The following UBE2R2 variants were observed in gnomAD, a reference collection of about 807,000 sequenced individuals.
UBE2R2 encodes the protein ubiquitin conjugating enzyme E2 R2, also known as ubiquitin-conjugating enzyme E2 R2.
A neutral mutation model predicts 27.8 loss-of-function variants in UBE2R2; 1 was observed. That is an observed-to-expected ratio of 0.04 (90% CI 0.01 to 0.17). UBE2R2 has a LOEUF of 0.17. UBE2R2 is among the 10% of genes least tolerant of loss of function. The pLI, the probability that UBE2R2 is intolerant of heterozygous loss-of-function variation, is 1.00. For synonymous variants in UBE2R2, 106 were observed against 113.3 expected, an observed-to-expected ratio of 0.94 and a Z score of 0.41; for missense variants, 100 against 291.0, an observed-to-expected ratio of 0.34 and a Z score of 4.78.
intron 1 of UBE2R2, among the ~76,000 whole-genome samples, chr9:33,857,666 TG>T (rs1821140002): frequency 2.6e-5 from 4 of 152,214 alleles, no homozygotes; most frequent in Non-Finnish European, 4.4e-5. Flanking sequence ...AAACTATACT[TG>T]AAAGTCATAT....
At chr9:33,831,210 G>A (rs1486707211) in intron 1 of UBE2R2, 2 of 152,092 alleles carry the variant, frequency 1.3e-5, no homozygotes, top group Non-Finnish European at 1.5e-5. Flanking sequence ...GGGAGGTTGA[G>A]GCTGGTGGAT....
chr9:33,856,888 CTTTTTTTTTTTT>C (rs140169417), intron 1 of UBE2R2, among the ~76,000 whole-genome samples: 1 of 82,324 alleles, frequency 1.2e-5, no homozygotes, highest in Admixed American at 1.6e-4. Flanking sequence ...CTTCCTTTCA[CTTTTTTTTTTTT>C]TTTTTTTTTT....
Position 33,906,110 on chromosome 9 carries a change from T to C in UBE2R2, c.362+5839T>C, listed in dbSNP as rs201500528. On this transcript the variant is annotated intron_variant, in intron 3 of 4. Transcript: ENST00000263228. The stretch of plus-strand genomic sequence containing the variant: ...GTTGTTGTTGTCGTCGTCGTCGTTG[T>C]TGCTGTTGTTGTTGTTGTTGTTGTT... Among the ~76,000 whole-genome samples the C allele has an allele frequency of 1.5e-3, 214 of 139,038 alleles. 1 individual carries two copies. The highest frequency in any genetic ancestry group is 0.011 in the South Asian group (50 of 4,414). The allele number at this position is 139,038 out of a possible 152,430, so 91.2% of individuals were successfully genotyped here. A position where few individuals can be genotyped will look rare whatever the true frequency, so the allele number is the denominator to read the frequency against.
chr9:33,863,088 T>C (rs1360256664), intron 1 of UBE2R2, among the ~76,000 whole-genome samples: 2 of 150,336 alleles, frequency 1.3e-5, no homozygotes, highest in Admixed American at 6.7e-5. Context: ...CTCAGGAGGC[T>C]GAGGCAGGAG....
rs543097497 is a variant in UBE2R2, at chr9:33,908,068, G to T, written c.363-3896G>T. Among the ~76,000 whole-genome samples the T allele has an allele frequency of 9.2e-5, 14 of 152,228 alleles. No homozygotes were observed. The South Asian group carries it at 2.9e-3, about 32-fold the overall frequency. On this transcript the variant is annotated intron_variant, in intron 3 of 4. Transcript: ENST00000263228. ...TTGAACTCCCGACCTCAGGTGATCC[G>T]CCTGCCTCGGCCTCCCAAAGTACTG...
intron 1 of UBE2R2, among the ~76,000 whole-genome samples, chr9:33,866,944 A>C (rs541850324): frequency 2.6e-5 from 4 of 152,238 alleles, no homozygotes; most frequent in African/African-American, 9.6e-5. Flanking sequence ...TTTTCGATGA[A>C]ACAGAAGTTC....
intron 1 of UBE2R2, among the ~76,000 whole-genome samples, chr9:33,818,989 GTGTT>G (rs1045349276): frequency 6.6e-6 from 1 of 152,082 alleles, no homozygotes; most frequent in Non-Finnish European, 1.5e-5. Flanking sequence ...GAGATAATGA[GTGTT>G]TGTTTTGTTT....
At chr9:33,815,696 A>T (rs1825738752), upstream of UBE2R2, among the ~76,000 whole-genome samples, 1 of 152,196 alleles carries the variant, frequency 6.6e-6, no homozygotes, top group South Asian at 2.1e-4. Flanking sequence ...GTGAGCTATA[A>T]TCACTCTACT....
intron 1 of UBE2R2, among the ~76,000 whole-genome samples, chr9:33,822,728 TA>T (rs1424438514): frequency 6.7e-6 from 1 of 149,426 alleles, no homozygotes; most frequent in Non-Finnish European, 1.5e-5. Context: ...CCCAGCCAAA[TA>T]ATTTTTTTTT....
chr9:33,878,077 C>G (rs12352121), intron 1 of UBE2R2, among the ~76,000 whole-genome samples: 6 of 152,044 alleles, frequency 3.9e-5, no homozygotes, highest in Middle Eastern at 3.2e-3. Context: ...ATTTTTATAT[C>G]TTTTATTTGT....
intron 1 of UBE2R2, among the ~76,000 whole-genome samples, chr9:33,831,849 TG>T (rs1228252012): frequency 6.6e-6 from 1 of 151,688 alleles, no homozygotes; most frequent in Non-Finnish European, 1.5e-5. Context: ...TTAGTAGAGA[TG>T]GGGTTTTTCC....
rs73492939 is a variant in UBE2R2, at chr9:33,908,604, A to T, written c.363-3360A>T. Among the ~76,000 whole-genome samples, 532 of 152,336 alleles carry T rather than the reference A, an allele frequency of 3.5e-3. 6 individuals are homozygous for T. The highest frequency in any genetic ancestry group is 0.012 in the African/African-American group (500 of 41,576). On this transcript the variant is annotated intron_variant, in intron 3 of 4. Coordinates refer to ENST00000263228, the MANE Select transcript of UBE2R2 (RefSeq NM_017811.4). The stretch of plus-strand genomic sequence containing the variant: ...GCCTCTTAAAACATCCTGGATTTTT[A>T]ACTTAGGAGGACATGGAATTAGAAT...
chr9:33,886,243 ATTATT>A (rs1821849294), intron 1 of UBE2R2, among the ~76,000 whole-genome samples: 1 of 152,210 alleles, frequency 6.6e-6, no homozygotes, highest in Non-Finnish European at 1.5e-5. Flanking sequence ...CTAAAATTAG[ATTATT>A]TTGTTATAAA....
At chr9:33,846,477 AAAGTATGACATTTC>A (rs1820849459) in intron 1 of UBE2R2, among the ~76,000 whole-genome samples, 1 of 152,108 alleles carries the variant, frequency 6.6e-6, no homozygotes, top group African/African-American at 2.4e-5. Context: ...CTTGCGCCTA[AAAGTATGACATTTC>A]AAGTCCACTT....
chr9:33,893,115 CATTT>C (rs981325285), intron 2 of UBE2R2, among the ~76,000 whole-genome samples: 1 of 152,102 alleles, frequency 6.6e-6, no homozygotes, highest in African/African-American at 2.4e-5. Flanking sequence ...AATTCAATAA[CATTT>C]AGTATGTTCA....
At chr9:33,816,455 T>G (rs1825759409), upstream of UBE2R2, among the ~76,000 whole-genome samples, 1 of 152,152 alleles carries the variant, frequency 6.6e-6, no homozygotes, top group African/African-American at 2.4e-5. Context: ...TTGCCCCAAA[T>G]CACAATGAGA....
chr9:33,841,423 A>G (rs1172773048), intron 1 of UBE2R2, among the ~76,000 whole-genome samples: 2 of 152,002 alleles, frequency 1.3e-5, no homozygotes, highest in Non-Finnish European at 2.9e-5. Flanking sequence ...TGACTCCTGA[A>G]TGACTTGGTC....
At chr9:33,878,670 G>A (rs998990826) in intron 1 of UBE2R2, among the ~76,000 whole-genome samples, 10 of 152,128 alleles carry the variant, frequency 6.6e-5, no homozygotes, top group Middle Eastern at 3.2e-3. Flanking sequence ...AATACATTGC[G>A]AGGGATGCCA....
chr9:33,905,774 A>G (rs1343553801), intron 3 of UBE2R2, among the ~76,000 whole-genome samples: 1 of 152,184 alleles, frequency 6.6e-6, no homozygotes, highest in Non-Finnish European at 1.5e-5. Context: ...TGCAATGAGG[A>G]CTGAGCTTTA....
Sources: gnomAD v4.1 joint callset for allele counts (sites outside exome capture counted in the v4.1 genomes callset) on GRCh38, gnomAD v4.1.1 for gene constraint, MANE v1.5 for transcripts, NCBI Gene and HGNC (gene_info 2026-07-23, HGNC 2026-07-21) for gene names.